Variants in SATL1 observed in about 807,000 individuals in gnomAD.
SATL1 encodes the protein spermidine/spermine N(1)-acetyltransferase-like protein 1.
In SATL1, 47 loss-of-function variants were observed where a neutral mutation model predicts 51.8. That is an observed-to-expected ratio of 0.91 (90% CI 0.72 to 1.16). The LOEUF (loss-of-function observed/expected upper bound fraction) is 1.16. Among genes scored for constraint, SATL1 ranks in the 50% most tolerant of loss-of-function variants. The probability of loss-of-function intolerance (pLI) is 0.00; values close to 1 mark genes in which losing one functional copy is unlikely to be tolerated. For missense variants in SATL1, 520 were observed against 526.4 expected (o/e 0.99, Z 0.12); for synonymous variants, 176 against 182.4 (o/e 0.97, Z 0.28).
intron 1 of SATL1, among the ~76,000 whole-genome samples, chrX:85,234,986 C>T (rs903383338): frequency 9.1e-6 from 1 of 110,151 alleles, no homozygotes; most frequent in African/African-American, 3.3e-5. Flanking sequence ...CAAACTGCAC[C>T]CATAAAGACA....
Position 85,094,195 on chromosome X carries a change from A to G in SATL1, c.1809T>C (p.Phe603=). 8.4e-7 allele frequency: 1 copy of G among 1,188,076 alleles called. No homozygotes were observed. Among genetic ancestry groups the G allele is most frequent in the East Asian group, 3.0e-5 (1 of 33,717 alleles). The change falls in exon 6 of 8, where the codon TTT becomes TTC. Residue 603 remains phenylalanine (F), a synonymous_variant. Transcript: ENST00000644105. Reference sequence around the variant, plus strand: ...CCTTGCCAGTCCATGAGTCGTATGTAAAGTAGTACATGGCAAATCCAACAG... The same window carrying G: ...CCTTGCCAGTCCATGAGTCGTATGTGAAGTAGTACATGGCAAATCCAACAG... ...KLTVGFAMYY[F]TYDSWTGKVL... is the part of the protein sequence containing the mutation.
intron 3 of SATL1, among the ~76,000 whole-genome samples, chrX:85,106,958 T>G (rs1416510820): frequency 9.0e-6 from 1 of 111,441 alleles, no homozygotes. Flanking sequence ...GGTCATTTGT[T>G]TAAGGTAAGC....
intron 2 of SATL1, among the ~76,000 whole-genome samples, chrX:85,179,911 T>TA (rs1307063187): frequency 2.0e-3 from 204 of 104,030 alleles, no homozygotes; most frequent in East Asian, 5.1e-3. Flanking sequence ...CCTGAATAAT[T>TA]AAAAAAAAAA....
chrX:85,138,597 C>T (rs1926025634), intron 2 of SATL1, among the ~76,000 whole-genome samples: 1 of 111,765 alleles, frequency 8.9e-6, no homozygotes, highest in South Asian at 3.7e-4. Context: ...TTATTGACTC[C>T]AGTGGTTTCT....
At chrX:85,197,714 T>C (rs990335533) in intron 2 of SATL1, among the ~76,000 whole-genome samples, 1 of 103,381 alleles carries the variant, frequency 9.7e-6, no homozygotes, top group Non-Finnish European at 2.0e-5. Flanking sequence ...GTTCTCATTG[T>C]TCAATTCCCA....
chrX:85,102,727 C>G (rs1257585352), intron 4 of SATL1, among the ~76,000 whole-genome samples: 1 of 111,566 alleles, frequency 9.0e-6, no homozygotes, highest in Non-Finnish European at 1.9e-5. Context: ...GGGGCATTAT[C>G]TCAACATAGT....
rs148719241 is a variant in SATL1, at chrX:85,165,625, T to C, written c.-312-56345A>G. ...TTGGGAGGTGTTAAGGACCTTGTTT[T>C]GTAATATTACCAGAATTTACTTTTC... is the stretch of plus-strand genomic sequence containing the variant. On this transcript the variant is annotated intron_variant, in intron 2 of 7. Coordinates refer to ENST00000644105, the MANE Select transcript of SATL1 (RefSeq NM_001367857.2). 6.5e-3 allele frequency among the ~76,000 whole-genome samples: 726 copies of C among 111,554 alleles called. 7 individuals are homozygous for C. Among genetic ancestry groups the C allele is most frequent in the Admixed American group, 0.034 (355 of 10,456 alleles).
intron 2 of SATL1, among the ~76,000 whole-genome samples, chrX:85,135,684 C>T (rs1054744711): frequency 4.9e-5 from 5 of 102,228 alleles, no homozygotes; most frequent in African/African-American, 1.9e-4. Flanking sequence ...CGATCCTCCC[C>T]CCTCAACCCC....
chrX:85,128,698 G>T (rs1193852459), intron 2 of SATL1, among the ~76,000 whole-genome samples: 10 of 111,546 alleles, frequency 9.0e-5, no homozygotes, highest in African/African-American at 3.3e-4. Flanking sequence ...TTGCTTTTGG[G>T]GTTTTAGTCA....
At chrX:85,183,148 C>A (rs1348844987) in intron 2 of SATL1, among the ~76,000 whole-genome samples, 1 of 111,102 alleles carries the variant, frequency 9.0e-6, no homozygotes, top group Non-Finnish European at 1.9e-5. Flanking sequence ...AAAGTCTTTT[C>A]CCAGATCAAT....
At chrX:85,114,696 T>C (rs1178346134) in intron 2 of SATL1, among the ~76,000 whole-genome samples, 1 of 112,158 alleles carries the variant, frequency 8.9e-6, no homozygotes, top group Non-Finnish European at 1.9e-5. Context: ...TTGCATAACT[T>C]TGAAACGCAT....
chrX:85,101,208 A>G (rs1777427303), intron 4 of SATL1, among the ~76,000 whole-genome samples: 1 of 112,397 alleles, frequency 8.9e-6, no homozygotes, highest in Non-Finnish European at 1.9e-5. Context: ...TTTATCAAAA[A>G]TAAAATCTTT....
chrX:85,161,763 G>A (rs1311977819), intron 2 of SATL1, among the ~76,000 whole-genome samples: 1 of 111,217 alleles, frequency 9.0e-6, no homozygotes, highest in Non-Finnish European at 1.9e-5. Flanking sequence ...GACAATTGAG[G>A]CAGAAAATTG....
chrX:85,153,370 G>A (rs998049478), intron 2 of SATL1, among the ~76,000 whole-genome samples: 5 of 111,819 alleles, frequency 4.5e-5, no homozygotes, highest in African/African-American at 1.6e-4. Context: ...AGCAGTGATA[G>A]AACTAGTGTA....
At chrX:85,158,557 C>T (rs755719699) in intron 2 of SATL1, among the ~76,000 whole-genome samples, 135 of 111,821 alleles carry the variant, frequency 1.2e-3, no homozygotes, top group African/African-American at 4.0e-3. Context: ...TATAGTTCAG[C>T]CTTTTCCATA....
chrX:85,196,987 G>C (rs760186757), intron 2 of SATL1, among the ~76,000 whole-genome samples: 1 of 111,727 alleles, frequency 9.0e-6, no homozygotes, highest in African/African-American at 3.2e-5. Flanking sequence ...GGAAAAATAA[G>C]TAGACTGGAA....
chrX:85,140,029 G>C (rs1926071023), intron 2 of SATL1, among the ~76,000 whole-genome samples: 1 of 111,389 alleles, frequency 9.0e-6, no homozygotes, highest in Admixed American at 9.6e-5. Flanking sequence ...ACTGCTATTA[G>C]CTTGTTATGT....
At chrX:85,223,918 C>G (rs976151397) in intron 2 of SATL1, among the ~76,000 whole-genome samples, 3 of 111,219 alleles carry the variant, frequency 2.7e-5, no homozygotes, top group Non-Finnish European at 5.7e-5. Flanking sequence ...AGATAATGAC[C>G]ATCAGAGCAA....
chrX:85,223,148 A>G lies in SATL1; in HGVS notation c.-313+1057T>C, dbSNP rs192914511. Among the ~76,000 whole-genome samples the G allele has an allele frequency of 4.5e-5, 5 of 111,818 alleles. No homozygotes were observed. The East Asian group carries it at 1.4e-3, about 32-fold the overall frequency. ...TTAATAGATGTTTTCAGCATATTGT[A>G]TATTTAGTTATGACTGGCCTAGTAG... On this transcript the variant is annotated intron_variant, in intron 2 of 7. Transcript: ENST00000644105.
Sources: gnomAD v4.1 joint callset for allele counts (sites outside exome capture counted in the v4.1 genomes callset) on GRCh38, gnomAD v4.1.1 for gene constraint, MANE v1.5 for transcripts, NCBI Gene and HGNC (gene_info 2026-07-23, HGNC 2026-07-21) for gene names.